The following ORC4 variants were observed in gnomAD, a reference collection of about 807,000 sequenced individuals.
ORC4 encodes the protein origin recognition complex, subunit 4 homolog.
Under a neutral mutation model 63.9 loss-of-function variants are expected in ORC4, and 55 were observed. The ratio of observed to expected loss-of-function variants is 0.86; its 90% CI spans 0.69 to 1.08. The LOEUF is 1.08. ORC4 is among the 50% of genes least tolerant of loss of function. The pLI, the probability that ORC4 is intolerant of heterozygous loss-of-function variation, is 0.00. For synonymous variants in ORC4, 150 were observed against 168.5 expected (o/e 0.89, Z 0.85); for missense variants, 511 against 504.4 (o/e 1.01, Z -0.13).
At chr2:147,956,122 G>C (rs936720191) in intron 6 of ORC4, among the ~76,000 whole-genome samples, 4 of 151,960 alleles carry the variant, frequency 2.6e-5, no homozygotes, top group Non-Finnish European at 5.9e-5. Context: ...ACTTCATTCA[G>C]AGTTCATAAC....
At chr2:147,961,070 T>A (rs1689564235) in intron 4 of ORC4, among the ~76,000 whole-genome samples, 1 of 152,080 alleles carries the variant, frequency 6.6e-6, no homozygotes, top group South Asian at 2.1e-4. Flanking sequence ...TACTATAATC[T>A]TAGGGTTAGG....
chr2:147,991,658 G>A lies in ORC4; in HGVS notation c.-17-15683C>T, dbSNP rs576454401. On this transcript the variant is annotated intron_variant, in intron 1 of 13. Coordinates refer to ENST00000392857, the MANE Select transcript of ORC4 (RefSeq NM_181741.4). ...AGACTAGACAACATGGTGAAACCCC[G>A]TCTCTACTAAAAATACAAAATTAGC... Among the ~76,000 whole-genome samples, 16 of 152,038 alleles carry A rather than the reference G, an allele frequency of 1.1e-4. No homozygotes were observed. In the South Asian group the frequency reaches 2.3e-3, roughly 22 times the overall value.
chr2:147,984,796 A>G (rs1007141416), intron 1 of ORC4, among the ~76,000 whole-genome samples: 1 of 152,214 alleles, frequency 6.6e-6, no homozygotes, highest in Non-Finnish European at 1.5e-5. Flanking sequence ...GAAGGGATGA[A>G]TTCTGAAATA....
intron 1 of ORC4, among the ~76,000 whole-genome samples, chr2:147,989,736 C>G (rs1012700948): frequency 7.9e-5 from 12 of 151,964 alleles, no homozygotes; most frequent in Admixed American, 1.3e-4. Flanking sequence ...ACAACAACAA[C>G]AAGAAACAAA....
intron 1 of ORC4, among the ~76,000 whole-genome samples, chr2:148,004,140 C>A (rs144037521): frequency 6.6e-6 from 1 of 152,098 alleles, no homozygotes; most frequent in Non-Finnish European, 1.5e-5. Context: ...ACATTCCATG[C>A]GCATGGATAG....
chr2:147,976,001 A>G, intron 1 of ORC4, 26 bp from the exon 2 acceptor site: 1 of 1,089,036 alleles, frequency 9.2e-7, no homozygotes, highest in Non-Finnish European at 1.4e-6. Flanking sequence ...CATAAATATT[A>G]TAAACGTAGT....
At chr2:148,015,600 C>G (rs1350376468) in intron 1 of ORC4, among the ~76,000 whole-genome samples, 2 of 151,828 alleles carry the variant, frequency 1.3e-5, no homozygotes, top group Non-Finnish European at 2.9e-5. Context: ...AGGTGTGAGC[C>G]ACCACACCCG....
chr2:147,969,804 T>TA (rs1025024239), intron 4 of ORC4, among the ~76,000 whole-genome samples: 1 of 151,978 alleles, frequency 6.6e-6, no homozygotes, highest in African/African-American at 2.4e-5. Flanking sequence ...ACTAAATCAG[T>TA]ATGCAGAGTA....
chr2:148,018,313 G>T (rs1693438138), intron 1 of ORC4, among the ~76,000 whole-genome samples: 1 of 152,098 alleles, frequency 6.6e-6, no homozygotes, highest in Admixed American at 6.6e-5. Context: ...ATAACTCTTG[G>T]TGAGACAGTA....
intron 1 of ORC4, among the ~76,000 whole-genome samples, chr2:147,982,477 C>T (rs1213471988): frequency 6.6e-6 from 1 of 151,982 alleles, no homozygotes; most frequent in Non-Finnish European, 1.5e-5. Flanking sequence ...TATTTTTTAC[C>T]CACTTCATGA....
intron 1 of ORC4, among the ~76,000 whole-genome samples, chr2:147,997,610 C>T (rs1692048363): frequency 6.6e-6 from 1 of 151,968 alleles, no homozygotes; most frequent in Non-Finnish European, 1.5e-5. Context: ...TATTTCTTCT[C>T]AAAGTACATG....
chr2:147,985,643 C>A (rs763400649), intron 1 of ORC4, among the ~76,000 whole-genome samples: 2 of 152,212 alleles, frequency 1.3e-5, no homozygotes, highest in Non-Finnish European at 2.9e-5. Flanking sequence ...TTAGTTTGCA[C>A]AACTAACTTA....
intron 1 of ORC4, among the ~76,000 whole-genome samples, chr2:148,015,327 T>TTA (rs1262367597): frequency 6.9e-6 from 1 of 144,892 alleles, no homozygotes; most frequent in Non-Finnish European, 1.5e-5. Flanking sequence ...TTTTTTTTTT[T>TTA]TTTTTGAGAT....
chr2:147,941,270 T>C (rs1029951922), intron 10 of ORC4, among the ~76,000 whole-genome samples: 10 of 152,056 alleles, frequency 6.6e-5, no homozygotes, highest in South Asian at 4.1e-4. Context: ...TCTTTTTTTT[T>C]CCCAATTATA....
intron 4 of ORC4, 31 bp downstream of exon 4, chr2:147,972,708 C>A: frequency 1.5e-6 from 2 of 1,312,756 alleles, no homozygotes; most frequent in South Asian, 1.2e-5. Context: ...TCATCACATG[C>A]CAACAAACAC....
chr2:147,969,197 T>A (rs1690067577), intron 4 of ORC4, among the ~76,000 whole-genome samples: 1 of 151,736 alleles, frequency 6.6e-6, no homozygotes, highest in Non-Finnish European at 1.5e-5. Flanking sequence ...ATAGGAGGAG[T>A]AAGTAACAGT....
intron 1 of ORC4, among the ~76,000 whole-genome samples, chr2:147,978,316 G>C (rs1487771740): frequency 6.6e-6 from 1 of 152,216 alleles, no homozygotes; most frequent in Non-Finnish European, 1.5e-5. Context: ...CCCCGATTCA[G>C]AGCTTTTTCA....
chr2:147,959,141 T>G lies in ORC4; in HGVS notation c.226-275A>C, dbSNP rs13016512. Among the ~76,000 whole-genome samples the G allele has an allele frequency of 0.18, 27,100 of 151,918 alleles. 3,169 individuals are homozygous for G. The highest frequency in any genetic ancestry group is 0.31 in the Middle Eastern group (90 of 292). ...AACAACCAAGTTTTAAAATAAATAT[T>G]TCTCTACATGTCACATTAAACATGT... On this transcript the variant is annotated intron_variant, in intron 4 of 13. Transcript: ENST00000392857.
intron 1 of ORC4, among the ~76,000 whole-genome samples, chr2:148,000,836 G>A (rs1692256910): frequency 6.6e-6 from 1 of 152,174 alleles, no homozygotes; most frequent in Middle Eastern, 3.4e-3. Context: ...CTCAATGGTC[G>A]TATATGAAAA....
Sources: gnomAD v4.1 joint callset for allele counts (sites outside exome capture counted in the v4.1 genomes callset) on GRCh38, gnomAD v4.1.1 for gene constraint, MANE v1.5 for transcripts, NCBI Gene and HGNC (gene_info 2026-07-23, HGNC 2026-07-21) for gene names.